NEBL: variants seen among roughly 807,000 people sequenced by gnomAD.
NEBL encodes the protein nebulette, also known as LIM and SH3 protein 2.
A neutral mutation model predicts 140.2 loss-of-function variants in NEBL; 122 were observed. The ratio of observed to expected loss-of-function variants is 0.87; its 90% confidence interval spans 0.75 to 1.01. The LOEUF (loss-of-function observed/expected upper bound fraction) is 1.01. NEBL is among the 50% of genes least tolerant of loss of function. NEBL has a pLI of 0.00. For missense variants in NEBL, 1,365 were observed against 1,231.3 expected (o/e 1.11, Z -1.62); for synonymous variants, 436 against 398.9 (o/e 1.09, Z -1.11).
At position 20,817,610 on chromosome 10, in the gene NEBL, T is replaced by C; in HGVS notation, c.2138A>G (p.Asn713Ser). 1 of 1,612,114 alleles carries C rather than the reference T, an allele frequency of 6.2e-7. No homozygotes were observed. Among genetic ancestry groups the C allele is most frequent in the Non-Finnish European group, 8.5e-7 (1 of 1,178,134 alleles). Residue 713 changes from asparagine (N) to serine (S), a missense_variant, in exon 21 of 28, where the codon AAC becomes AGC. Physicochemically the swap from Asn to Ser is conservative, Grantham distance 46 (BLOSUM62 1). Transcript: ENST00000377122. Reference sequence around the variant, plus strand: ...CTAAGATGATCACACATTGCTGATGTTTTTCTGGTTTTCTTTTGCCCTCTT... The same window carrying C: ...CTAAGATGATCACACATTGCTGATGCTTTTCTGGTTTTCTTTTGCCCTCTT... ...ELKRAKENQK[N>S]ISNVYYRGQL...
chr10:20,955,448 T>C (rs1835753191), intron 4 of NEBL, among the ~76,000 whole-genome samples: 1 of 152,176 alleles, frequency 6.6e-6, no homozygotes, highest in African/African-American at 2.4e-5. Flanking sequence ...ACAGATAGTG[T>C]GAAATTGTCC....
chr10:20,940,780 A>G (rs2131565015), intron 4 of NEBL, among the ~76,000 whole-genome samples: 1 of 152,122 alleles, frequency 6.6e-6, no homozygotes, highest in Non-Finnish European at 1.5e-5. Flanking sequence ...CAGAAATACA[A>G]ACTACCATCA....
chr10:21,071,815 T>G (rs889821361), intron 2 of NEBL, among the ~76,000 whole-genome samples: 9 of 151,928 alleles, frequency 5.9e-5, no homozygotes, highest in Admixed American at 3.9e-4. Flanking sequence ...GGGCTTTTTG[T>G]TTTTGATTTT....
chr10:20,831,427 G>GTTTAATTTAA, intron 15 of NEBL, 46 bp downstream of exon 15: 1 of 1,536,878 alleles, frequency 6.5e-7, no homozygotes, highest in Non-Finnish European at 9.0e-7. Context: ...TTCCAGCTAT[G>GTTTAATTTAA]ATTCACGGCA....
intron 2 of NEBL, among the ~76,000 whole-genome samples, chr10:21,120,426 A>AC (rs1838508449): frequency 7.3e-6 from 1 of 137,192 alleles, no homozygotes; most frequent in Non-Finnish European, 1.5e-5. Context: ...ATATATATAA[A>AC]TTTGATCACT....
chr10:21,136,421 T>G (rs371223337), intron 2 of NEBL, among the ~76,000 whole-genome samples: 2 of 152,140 alleles, frequency 1.3e-5, no homozygotes, highest in Non-Finnish European at 2.9e-5. Flanking sequence ...TTCAAACTTC[T>G]GGGTCCAAGC....
intron 2 of NEBL, among the ~76,000 whole-genome samples, chr10:21,124,726 G>T: frequency 6.6e-6 from 1 of 152,240 alleles, no homozygotes; most frequent in East Asian, 1.9e-4. Flanking sequence ...GCTGAGGTGG[G>T]AGGATTGCTT....
chr10:20,845,389 A>C, intron 11 of NEBL, 21 bp from the exon 12 acceptor site: 1 of 1,388,562 alleles, frequency 7.2e-7, no homozygotes. Flanking sequence ...AGACCACATA[A>C]TTTTAAAGTT....
chr10:21,122,465 G>T (rs1243054464), intron 2 of NEBL, among the ~76,000 whole-genome samples: 1 of 152,048 alleles, frequency 6.6e-6, no homozygotes, highest in South Asian at 2.1e-4. Flanking sequence ...TACTTGCTTT[G>T]CATATTTAGG....
chr10:21,259,102 T>C (rs902263893), intron 1 of NEBL, among the ~76,000 whole-genome samples: 1 of 151,846 alleles, frequency 6.6e-6, no homozygotes, highest in Non-Finnish European at 1.5e-5. Context: ...TTTTTGTCTT[T>C]TTTGAGACAG....
chr10:20,844,154 TAA>T (rs1841675090), intron 12 of NEBL, among the ~76,000 whole-genome samples: 1 of 152,248 alleles, frequency 6.6e-6, no homozygotes, highest in East Asian at 1.9e-4. Flanking sequence ...TGAATCACAT[TAA>T]ATTTCTAAAA....
At chr10:20,962,520 C>A (rs1245774196) in intron 3 of NEBL, among the ~76,000 whole-genome samples, 1 of 152,194 alleles carries the variant, frequency 6.6e-6, no homozygotes, top group Non-Finnish European at 1.5e-5. Context: ...TTTCTAATTA[C>A]AACCCAATGG....
intron 2 of NEBL, among the ~76,000 whole-genome samples, chr10:20,893,604 C>A (rs1847211089): frequency 6.6e-6 from 1 of 152,178 alleles, no homozygotes; most frequent in Admixed American, 6.5e-5. Flanking sequence ...ATGGAGAATT[C>A]TAAGCAGTGC....
chr10:20,997,160 A>T (rs1164652703), intron 3 of NEBL, among the ~76,000 whole-genome samples: 2 of 152,064 alleles, frequency 1.3e-5, no homozygotes, highest in Non-Finnish European at 2.9e-5. Context: ...TAATAGCCAA[A>T]CTCTTTAATC....
intron 9 of NEBL, 54 bp downstream of exon 9, chr10:20,858,186 T>C (rs539019609): frequency 2.5e-5 from 35 of 1,380,418 alleles, no homozygotes; most frequent in African/African-American, 5.7e-5. Flanking sequence ...TGCAGACATA[T>C]TGGCTTCTTG....
chr10:21,292,429 A>G (rs1188725983), intron 1 of NEBL, among the ~76,000 whole-genome samples: 2 of 152,234 alleles, frequency 1.3e-5, no homozygotes, highest in Non-Finnish European at 2.9e-5. Flanking sequence ...TGTCAATGCA[A>G]AAGACCACTT....
At chr10:21,020,672 A>G (rs1402830877) in intron 2 of NEBL, among the ~76,000 whole-genome samples, 2 of 152,126 alleles carry the variant, frequency 1.3e-5, no homozygotes, top group Non-Finnish European at 2.9e-5. Context: ...TTCTGTGGAC[A>G]CAACCAACAG....
At chr10:21,023,274 A>T (rs1252610113) in intron 2 of NEBL, among the ~76,000 whole-genome samples, 1 of 152,234 alleles carries the variant, frequency 6.6e-6, no homozygotes, top group African/African-American at 2.4e-5. Context: ...CTGTAATTAG[A>T]ATCCACTGTC....
At chr10:21,227,719 T>TCTTCTTCTTC (rs1842181820) in intron 3 of NEBL, among the ~76,000 whole-genome samples, 30 of 91,152 alleles carry the variant, frequency 3.3e-4, no homozygotes, top group African/African-American at 1.2e-3. Context: ...TCTTTCTTCT[T>TCTTCTTCTTC]CTTCTTCTTC....
Sources: allele counts gnomAD v4.1 joint callset (sites outside exome capture counted in the v4.1 genomes callset), GRCh38; gene constraint gnomAD v4.1.1; transcripts MANE v1.5; gene names NCBI Gene and HGNC (gene_info 2026-07-23, HGNC 2026-07-21).